CACNA2D3: variants seen among roughly 807,000 people sequenced by gnomAD.
The protein encoded by CACNA2D3 is voltage-dependent calcium channel subunit alpha-2/delta-3.
In CACNA2D3, 60 loss-of-function variants were observed where a neutral mutation model predicts 160.6. That is an observed-to-expected ratio of 0.37 (90% CI 0.30 to 0.46). CACNA2D3 has a LOEUF of 0.46. Ranked by LOEUF, CACNA2D3 falls within the 20% of genes least tolerant of loss-of-function variation. The pLI is 1.00. For synonymous variants in CACNA2D3, 558 were observed against 492.9 expected (o/e 1.13, Z -1.75); for missense variants, 1,205 against 1,365.0 (o/e 0.88, Z 1.85).
At chr3:54,457,202 A>G (rs1405893406) in intron 4 of CACNA2D3, among the ~76,000 whole-genome samples, 1 of 151,872 alleles carries the variant, frequency 6.6e-6, no homozygotes, top group Non-Finnish European at 1.5e-5. Flanking sequence ...TTATTGTTAT[A>G]AACTTCCCTC....
intron 4 of CACNA2D3, among the ~76,000 whole-genome samples, chr3:54,487,287 G>A (rs1307771806): frequency 2.0e-5 from 3 of 152,190 alleles, no homozygotes; most frequent in Admixed American, 2.0e-4. Context: ...AGCATCGCTT[G>A]AGCCCAGGAG....
intron 6 of CACNA2D3, among the ~76,000 whole-genome samples, chr3:54,564,536 C>T (rs1702378821): frequency 6.6e-6 from 1 of 152,218 alleles, no homozygotes; most frequent in South Asian, 2.1e-4. Context: ...TACCTCTTGC[C>T]TCCTGGACAT....
rs532010197 is a variant in CACNA2D3, at chr3:54,681,032, T to C, written c.1167+38791T>C. On this transcript the variant is annotated intron_variant, in intron 11 of 37. Transcript: ENST00000474759. ...TAAGAGAGAGAACATGGCTTTTTCATTGATTATCTAATGGCTTTTTTCCCT... is the reference window on the plus strand; with the variant it reads ...TAAGAGAGAGAACATGGCTTTTTCACTGATTATCTAATGGCTTTTTTCCCT... Among the ~76,000 whole-genome samples the C allele has an allele frequency of 2.0e-5, 3 of 152,250 alleles. No homozygotes were observed. The East Asian group carries it at 5.8e-4, about 29-fold the overall frequency.
At chr3:54,866,915 G>A (rs72876010) in intron 17 of CACNA2D3, among the ~76,000 whole-genome samples, 12,260 of 152,174 alleles carry the variant, frequency 0.081, 1,232 homozygotes, top group African/African-American at 0.23. Context: ...ACTCCACCTC[G>A]AAGTATTTCA....
intron 2 of CACNA2D3, among the ~76,000 whole-genome samples, chr3:54,269,747 G>A (rs1200004312): frequency 1.3e-5 from 2 of 152,192 alleles, no homozygotes; most frequent in African/African-American, 4.8e-5. Flanking sequence ...GCAAAAAGGA[G>A]GTGGATGAGT....
At chr3:54,446,203 G>A (rs1469898528) in intron 4 of CACNA2D3, among the ~76,000 whole-genome samples, 2 of 152,140 alleles carry the variant, frequency 1.3e-5, no homozygotes, top group Non-Finnish European at 2.9e-5. Flanking sequence ...GTCTCCTAAC[G>A]AATATGCTGT....
chr3:54,836,720 C>G (rs1698698900), intron 14 of CACNA2D3, among the ~76,000 whole-genome samples: 1 of 152,156 alleles, frequency 6.6e-6, no homozygotes, highest in Non-Finnish European at 1.5e-5. Context: ...CATCCAGATT[C>G]TGTTGTTTTT....
intron 6 of CACNA2D3, among the ~76,000 whole-genome samples, chr3:54,568,892 A>G (rs765793537): frequency 6.6e-6 from 1 of 152,242 alleles, no homozygotes; most frequent in Non-Finnish European, 1.5e-5. Context: ...GTGGTCCTGT[A>G]GAAAGCTGGC....
At chr3:54,299,085 T>C (rs55885947) in intron 2 of CACNA2D3, among the ~76,000 whole-genome samples, 16,327 of 151,690 alleles carry the variant, frequency 0.11, 979 homozygotes, top group South Asian at 0.13. Flanking sequence ...GCCTCTGCAG[T>C]CTGTAAGTTT....
rs397961895 is a variant in CACNA2D3 at position 54,165,114 on chromosome 3, ATT to A, written c.204+41539_204+41540del. ...AGAATGCTTGACTTCTCTGAATCTC[ATT>A]TTTTTTTTTTTTTTTTTTGTCAAAC... On this transcript the variant is annotated intron_variant, in intron 2 of 37. Coordinates refer to ENST00000474759, the MANE Select transcript of CACNA2D3 (RefSeq NM_018398.3). 1.7e-3 allele frequency among the ~76,000 whole-genome samples: 201 copies of A among 117,854 alleles called. 3 individuals carry two copies. The highest frequency in any genetic ancestry group is 6.0e-3 in the African/African-American group (191 of 31,778). The allele number at this position is 117,854 out of a possible 152,430, so 77.3% of individuals were successfully genotyped here.
intron 2 of CACNA2D3, among the ~76,000 whole-genome samples, chr3:54,271,267 G>A (rs1040479891): frequency 5.9e-5 from 9 of 151,692 alleles, no homozygotes; most frequent in Admixed American, 1.3e-4. Context: ...TCTTATTCAC[G>A]TGCTCTCACT....
chr3:55,011,207 C>G (rs1336885727), intron 34 of CACNA2D3, among the ~76,000 whole-genome samples: 6 of 152,244 alleles, frequency 3.9e-5, no homozygotes, highest in Non-Finnish European at 8.8e-5. Flanking sequence ...CCAGGCTTGG[C>G]TCTGCCCTGG....
At chr3:54,852,415 C>G (rs544187721) in intron 17 of CACNA2D3, among the ~76,000 whole-genome samples, 1 of 152,316 alleles carries the variant, frequency 6.6e-6, no homozygotes, top group South Asian at 2.1e-4. Context: ...GATGCCAAAG[C>G]CATTTCTGTT....
chr3:54,912,639 AC>A (rs958178239), intron 27 of CACNA2D3, among the ~76,000 whole-genome samples: 2 of 151,664 alleles, frequency 1.3e-5, no homozygotes, highest in African/African-American at 4.8e-5. Flanking sequence ...CTTCCTTATC[AC>A]CACATGTAAA....
intron 11 of CACNA2D3, among the ~76,000 whole-genome samples, chr3:54,649,840 G>T (rs558617744): frequency 1.3e-5 from 2 of 152,176 alleles, no homozygotes; most frequent in African/African-American, 4.8e-5. Flanking sequence ...CTGTTCCTGT[G>T]GGGGCAGAGT....
intron 2 of CACNA2D3, among the ~76,000 whole-genome samples, chr3:54,139,909 G>C (rs914880617): frequency 2.4e-4 from 36 of 152,284 alleles, no homozygotes; most frequent in African/African-American, 8.2e-4. Context: ...CTGGCTGCTT[G>C]GGCCAGACAT....
At chr3:54,338,533 G>C (rs1216704457) in intron 3 of CACNA2D3, among the ~76,000 whole-genome samples, 1 of 148,934 alleles carries the variant, frequency 6.7e-6, no homozygotes, top group Non-Finnish European at 1.5e-5. Context: ...GTTAGGATGG[G>C]CTAGGAGAAG....
intron 2 of CACNA2D3, among the ~76,000 whole-genome samples, chr3:54,292,680 T>C (rs1188779984): frequency 6.6e-6 from 1 of 152,194 alleles, no homozygotes; most frequent in Non-Finnish European, 1.5e-5. Context: ...AGATACTAAG[T>C]GTTGGCAAGG....
intron 2 of CACNA2D3, among the ~76,000 whole-genome samples, chr3:54,194,579 C>T (rs757502693): frequency 6.6e-6 from 1 of 152,152 alleles, no homozygotes; most frequent in Non-Finnish European, 1.5e-5. Context: ...TCTGGCTCTG[C>T]TGCTATAACA....
Sources: gnomAD v4.1 joint callset for allele counts (sites outside exome capture counted in the v4.1 genomes callset) on GRCh38, gnomAD v4.1.1 for gene constraint, MANE v1.5 for transcripts, NCBI Gene and HGNC (gene_info 2026-07-23, HGNC 2026-07-21) for gene names.